The following PGR variants were observed in gnomAD, a reference collection of about 807,000 sequenced individuals.
The protein encoded by PGR is progesterone receptor, also known as nuclear receptor subfamily 3 group C member 3.
A neutral mutation model predicts 76.1 loss-of-function variants in PGR; 25 were observed. The observed-to-expected ratio is 0.33, with a 90% CI of 0.24 to 0.46. The LOEUF (loss-of-function observed/expected upper bound fraction) is 0.46, where lower values mean the gene tolerates loss of function less well. PGR is among the 20% of genes least tolerant of loss of function. The pLI is 1.00. For missense variants in PGR, 1,172 were observed against 1,225.3 expected (o/e 0.96, Z 0.65); for synonymous variants, 579 against 535.0 (o/e 1.08, Z -1.14).
chr11:101,044,700 CTTTTT>C (rs34361620), intron 6 of PGR, among the ~76,000 whole-genome samples: 3 of 75,884 alleles, frequency 4.0e-5, no homozygotes, highest in Non-Finnish European at 5.0e-5. Context: ...GGCCTAATTG[CTTTTT>C]TTTTTTTTTT....
In PGR at chr11:101,128,629, G is replaced by A. The variant is rs759209199; in HGVS notation, c.442C>T (p.Pro148Ser). Residue 148 changes from proline to serine, a missense_variant, in exon 1 of 8, where the codon CCC becomes TCC. By Grantham distance (74) the Pro-to-Ser change is moderately conservative. Coordinates refer to ENST00000325455, the MANE Select transcript of PGR (RefSeq NM_000926.4). ...SSWCLFGPEL[P>S]EDPPAAPATQ... ...GCGGGGGCAGCCGGTGGATCTTCGG[G>A]AAGTTCGGGGCCAAACAGGCACCAA... The A allele has an allele frequency of 1.3e-6, 2 of 1,588,474 alleles. No homozygotes were observed. Among genetic ancestry groups the A allele is most frequent in the Non-Finnish European group, 8.6e-7 (1 of 1,169,314 alleles).
intron 3 of PGR, among the ~76,000 whole-genome samples, chr11:101,091,108 A>G (rs1049721548): frequency 7.9e-5 from 12 of 152,218 alleles, no homozygotes; most frequent in African/African-American, 2.9e-4. Flanking sequence ...GGTGTCTTGC[A>G]TAACTGTGGC....
chr11:101,119,716 A>G (rs485283), intron 2 of PGR, among the ~76,000 whole-genome samples: 38,339 of 152,162 alleles, frequency 0.25, 5,799 homozygotes, highest in Non-Finnish European at 0.35. Context: ...GCTGTTCTGA[A>G]TAGAAGAAGG....
chr11:101,115,286 T>G (rs1327196744), intron 2 of PGR, among the ~76,000 whole-genome samples: 1 of 151,944 alleles, frequency 6.6e-6, no homozygotes, highest in Non-Finnish European at 1.5e-5. Context: ...CACATTTTGG[T>G]CTCCCTAGCT....
intron 7 of PGR, among the ~76,000 whole-genome samples, chr11:101,041,024 T>C (rs903881337): frequency 1.4e-5 from 2 of 138,876 alleles, no homozygotes; most frequent in East Asian, 1.9e-4. Flanking sequence ...TATCCAAAAG[T>C]ATTTTCTTGC....
At chr11:101,055,811 C>T (rs1304125099) in intron 4 of PGR, among the ~76,000 whole-genome samples, 1 of 151,944 alleles carries the variant, frequency 6.6e-6, no homozygotes, top group Non-Finnish European at 1.5e-5. Flanking sequence ...TTTTTGCATT[C>T]TGGGACTAGA....
chr11:101,068,539 A>G (rs1415769630), intron 3 of PGR, among the ~76,000 whole-genome samples: 1 of 152,176 alleles, frequency 6.6e-6, no homozygotes, highest in Non-Finnish European at 1.5e-5. Flanking sequence ...ATATGGAACC[A>G]AAAAAGAGCC....
At chr11:101,121,712 C>G (rs1591433376) in intron 2 of PGR, among the ~76,000 whole-genome samples, 2 of 152,142 alleles carry the variant, frequency 1.3e-5, no homozygotes, top group South Asian at 2.1e-4. Flanking sequence ...CTCTCTCCAC[C>G]ACCACACTAT....
intron 4 of PGR, among the ~76,000 whole-genome samples, chr11:101,061,673 T>C (rs1860503586): frequency 6.6e-6 from 1 of 152,220 alleles, no homozygotes; most frequent in South Asian, 2.1e-4. Context: ...AAGTTCTATT[T>C]CTAATTATAG....
rs1229811628 is a variant in PGR, at chr11:101,030,131, A to T, written c.*8985T>A. ...ATAACTCTGGACAATGTACTTAGGG[A>T]CCTACTACTTACTCAAAATAGGGTA... On this transcript the variant is annotated 3_prime_UTR_variant, in exon 8 of 8. Transcript: ENST00000325455. The T allele has an allele frequency of 4.5e-6, 1 of 220,016 alleles. No homozygotes were observed. The highest frequency in any genetic ancestry group is 9.1e-6 in the Non-Finnish European group (1 of 109,756). The allele number at this position is 220,016 out of a possible 1,614,324, so 13.6% of individuals were successfully genotyped here.
At chr11:101,060,856 C>T (rs1860466934) in intron 4 of PGR, among the ~76,000 whole-genome samples, 1 of 152,162 alleles carries the variant, frequency 6.6e-6, no homozygotes, top group South Asian at 2.1e-4. Context: ...AGTTTTCTCT[C>T]ATTCCTTTTT....
chr11:101,104,936 C>T (rs561892068), intron 2 of PGR, among the ~76,000 whole-genome samples: 1 of 152,154 alleles, frequency 6.6e-6, no homozygotes, highest in African/African-American at 2.4e-5. Context: ...TGGCAGTAAC[C>T]AAAGTTTGTT....
chr11:101,060,921 G>T (rs969579984), intron 4 of PGR, among the ~76,000 whole-genome samples: 1 of 152,068 alleles, frequency 6.6e-6, no homozygotes, highest in African/African-American at 2.4e-5. Context: ...GGTTAAAAAG[G>T]TCACTTAGCT....
intron 7 of PGR, among the ~76,000 whole-genome samples, chr11:101,040,892 C>T (rs930376380): frequency 3.3e-5 from 5 of 151,958 alleles, no homozygotes; most frequent in Non-Finnish European, 7.4e-5. Flanking sequence ...CTCCTGAATA[C>T]TAAATTTACT....
rs767884625 is a variant in PGR at position 101,036,035 on chromosome 11, G to A, written c.*3081C>T. The A allele has an allele frequency of 8.9e-6, 2 of 224,358 alleles. No individual in the cohort carries two copies. Among genetic ancestry groups the A allele is most frequent in the Middle Eastern group, 1.4e-3 (1 of 728 alleles). 13.9% of individuals were successfully genotyped at this position (224,358 alleles called of 1,614,324 possible). ...GCAGGTTTAATCAGAGCAGTTAAAT[G>A]ACTTGCTTAATCTCATCCAGCTAGT... On this transcript the variant is annotated 3_prime_UTR_variant, in exon 8 of 8. Coordinates refer to ENST00000325455, the MANE Select transcript of PGR (RefSeq NM_000926.4).
Position 101,068,490 on chromosome 11 carries a change from C to G in PGR, c.1907-5738G>C, listed in dbSNP as rs544555094. 3.3e-5 allele frequency among the ~76,000 whole-genome samples: 5 copies of G among 152,230 alleles called. No individual in the cohort carries two copies. In the South Asian group the frequency reaches 1.0e-3, roughly 32 times the overall value. ...AATAGCTCCATCAAGCTAACATTGA[C>G]TTTCTTCACAAAATTAGAAAAAAAT... On this transcript the variant is annotated intron_variant, in intron 3 of 7. Transcript: ENST00000325455.
intron 2 of PGR, among the ~76,000 whole-genome samples, chr11:101,092,469 A>G (rs893276470): frequency 3.9e-5 from 6 of 152,238 alleles, no homozygotes; most frequent in Non-Finnish European, 7.3e-5. Context: ...ACATTAGAAA[A>G]TACCTTGAAC....
At chr11:101,047,078 T>C (rs1244974518) in intron 6 of PGR, among the ~76,000 whole-genome samples, 2 of 152,168 alleles carry the variant, frequency 1.3e-5, no homozygotes, top group Admixed American at 1.3e-4. Context: ...TCTTCCTTTT[T>C]GTGAAGTGGC....
rs1591394138 is a variant in PGR at position 101,077,320 on chromosome 11, CACT to C, written c.1906+14437_1906+14439del. Among the ~76,000 whole-genome samples, 7 of 152,218 alleles carry C rather than the reference CACT, an allele frequency of 4.6e-5. No homozygotes were observed. In the East Asian group the frequency reaches 1.4e-3, roughly 29 times the overall value. Reference sequence around the variant, plus strand: ...ACTACACTTTAACAATCCTTTATAGCACTGATAGTGCTTGCCTTCCATTTTTCA... The same window carrying C: ...ACTACACTTTAACAATCCTTTATAGCGATAGTGCTTGCCTTCCATTTTTCA... On this transcript the variant is annotated intron_variant, in intron 3 of 7. Coordinates refer to ENST00000325455, the MANE Select transcript of PGR (RefSeq NM_000926.4).
Sources: gnomAD v4.1 joint callset for allele counts (sites outside exome capture counted in the v4.1 genomes callset) on GRCh38, gnomAD v4.1.1 for gene constraint, MANE v1.5 for transcripts, NCBI Gene and HGNC (gene_info 2026-07-23, HGNC 2026-07-21) for gene names.